IQGAP1: variants seen among roughly 807,000 people sequenced by gnomAD.
The protein encoded by IQGAP1 is ras GTPase-activating-like protein IQGAP1.
In IQGAP1, 66 loss-of-function variants were observed where a neutral mutation model predicts 215.6. That is an observed-to-expected ratio of 0.31 (90% confidence interval 0.25 to 0.38). The LOEUF (loss-of-function observed/expected upper bound fraction) is 0.38. Among genes scored for constraint, IQGAP1 ranks in the 10% least tolerant of loss-of-function variants. The probability of loss-of-function intolerance (pLI) is 1.00; values close to 1 mark genes in which losing one functional copy is unlikely to be tolerated. For synonymous variants in IQGAP1, 772 were observed against 728.7 expected, an observed-to-expected ratio of 1.06 and a Z score of -0.96; for missense variants, 1,712 against 1,997.1, an observed-to-expected ratio of 0.86 and a Z score of 2.72.
intron 2 of IQGAP1, among the ~76,000 whole-genome samples, chr15:90,416,037 T>C (rs778745737): frequency 1.1e-4 from 17 of 152,236 alleles, no homozygotes; most frequent in Non-Finnish European, 1.6e-4. Flanking sequence ...TTATTTATTA[T>C]ACTTTAAGTT....
chr15:90,471,096 T>A (rs1394828923), intron 18 of IQGAP1, among the ~76,000 whole-genome samples: 1 of 152,072 alleles, frequency 6.6e-6, no homozygotes, highest in African/African-American at 2.4e-5. Context: ...TGCCCTTCAT[T>A]TTGCAGTCCA....
chr15:90,497,015 G>T, intron 36 of IQGAP1: 1 of 417,998 alleles, frequency 2.4e-6, no homozygotes, highest in Non-Finnish European at 4.3e-6. Flanking sequence ...AAGTGCTGCA[G>T]GCAGAGAGAG....
At chr15:90,475,931 A>AT (rs1282225236) in intron 23 of IQGAP1, among the ~76,000 whole-genome samples, 2 of 151,228 alleles carry the variant, frequency 1.3e-5, no homozygotes, top group East Asian at 1.9e-4. Flanking sequence ...AGTAGTCATA[A>AT]TTTTTTTTTA....
chr15:90,433,181 T>G (rs1203787053), intron 4 of IQGAP1, among the ~76,000 whole-genome samples: 1 of 152,228 alleles, frequency 6.6e-6, no homozygotes, highest in Non-Finnish European at 1.5e-5. Flanking sequence ...ACTTCATCTG[T>G]GTAGCTTCCC....
intron 33 of IQGAP1, among the ~76,000 whole-genome samples, chr15:90,489,048 C>T (rs1966167650): frequency 6.6e-6 from 1 of 151,678 alleles, no homozygotes; most frequent in Admixed American, 6.6e-5. Context: ...TGATAAGGTC[C>T]AGTGGGGTGG....
intron 2 of IQGAP1, among the ~76,000 whole-genome samples, chr15:90,416,330 G>A (rs575539705): frequency 6.2e-4 from 94 of 152,248 alleles, no homozygotes; most frequent in African/African-American, 2.2e-3. Flanking sequence ...TTGGTTCCAA[G>A]TCTTTGCTAT....
Position 90,500,009 on chromosome 15 carries a change from A to G in IQGAP1, c.4875A>G (p.Leu1625=), listed in dbSNP as rs1359132432. 4 of 1,596,932 alleles carry G rather than the reference A, an allele frequency of 2.5e-6. No individual in the cohort carries two copies. The highest frequency in any genetic ancestry group is 3.4e-6 in the Non-Finnish European group (4 of 1,164,414). Residue 1625 remains leucine (L), a synonymous_variant, in exon 38 of 38, where the codon CTA becomes CTG. Transcript: ENST00000268182. ...FMLHYQDLLQ[L]QYEGVAVMKL... ...TTTGTTAATAGGACCTGCTGCAGCT[A>G]CAGTATGAAGGAGTTGCAGTCATGA... is the stretch of plus-strand genomic sequence containing the variant.
intron 17 of IQGAP1, 71 bp from the exon 18 acceptor site, chr15:90,467,379 C>T (rs892655849): frequency 2.4e-4 from 353 of 1,455,050 alleles, no homozygotes; most frequent in Middle Eastern, 2.3e-3. Flanking sequence ...ACTAATAATC[C>T]TGCAGTTCTG....
chr15:90,462,241 A>C (rs1233074513), intron 15 of IQGAP1, among the ~76,000 whole-genome samples: 1 of 152,202 alleles, frequency 6.6e-6, no homozygotes, highest in African/African-American at 2.4e-5. Context: ...ATGCTTATAT[A>C]CATGTAGCTA....
chr15:90,478,720 T>C (rs1966013666), intron 26 of IQGAP1, among the ~76,000 whole-genome samples: 1 of 151,950 alleles, frequency 6.6e-6, no homozygotes, highest in Non-Finnish European at 1.5e-5. Flanking sequence ...AGCTGGAGGG[T>C]GTAGGACTTA....
chr15:90,405,952 T>C (rs185158127), intron 2 of IQGAP1, among the ~76,000 whole-genome samples: 14 of 152,318 alleles, frequency 9.2e-5, no homozygotes, highest in Admixed American at 7.8e-4. Context: ...TCCGTTGAGT[T>C]ATCCTGTTCT....
intron 2 of IQGAP1, among the ~76,000 whole-genome samples, chr15:90,401,558 A>G (rs1964805245): frequency 1.3e-5 from 2 of 152,194 alleles, no homozygotes. Context: ...CCTCATTGTC[A>G]TGATTAGTAC....
intron 15 of IQGAP1, among the ~76,000 whole-genome samples, chr15:90,464,346 C>A (rs1241837278): frequency 6.6e-6 from 1 of 152,082 alleles, no homozygotes; most frequent in Non-Finnish European, 1.5e-5. Flanking sequence ...ATAAAGAACC[C>A]CCACTCTTTT....
chr15:90,444,076 A>G (rs909824676), intron 9 of IQGAP1, among the ~76,000 whole-genome samples: 4 of 148,064 alleles, frequency 2.7e-5, no homozygotes, highest in African/African-American at 4.9e-5. Context: ...AAAAAAAAAT[A>G]TTTTTCTATT....
rs575882089 is a variant in IQGAP1, at chr15:90,502,118, G to C, written c.*2010G>C. On this transcript the variant is annotated 3_prime_UTR_variant, in exon 38 of 38. Coordinates refer to ENST00000268182, the MANE Select transcript of IQGAP1 (RefSeq NM_003870.4). ...TCTCTCCTCCTTTGACCTTCTCCTC[G>C]ACCAGCCATCATGACATTTACCATG... The C allele has an allele frequency of 6.6e-6, 1 of 152,606 alleles. No homozygotes were observed. The highest frequency in any genetic ancestry group is 6.5e-5 in the Admixed American group (1 of 15,288). The allele number at this position is 152,606 out of a possible 1,614,324, so 9.5% of individuals were successfully genotyped here. A position where few individuals can be genotyped will look rare whatever the true frequency, so the allele number is the denominator to read the frequency against.
In IQGAP1 at chr15:90,396,796, C is replaced by T. The variant is rs185593649; in HGVS notation, c.155+5923C>T. 1.1e-4 allele frequency among the ~76,000 whole-genome samples: 16 copies of T among 152,160 alleles called. No individual in the cohort carries two copies. In the East Asian group the frequency reaches 3.1e-3, roughly 29 times the overall value. ...TGTTGCAAATGGGGAGTATTCATTC[C>T]TAATGTGGCTGCCGAAAGCTTTTTA... is the stretch of plus-strand genomic sequence containing the variant. On this transcript the variant is annotated intron_variant, in intron 2 of 37. Coordinates refer to ENST00000268182, the MANE Select transcript of IQGAP1 (RefSeq NM_003870.4).
intron 11 of IQGAP1, among the ~76,000 whole-genome samples, chr15:90,452,004 A>G (rs1449738326): frequency 6.6e-6 from 1 of 151,876 alleles, no homozygotes; most frequent in Non-Finnish European, 1.5e-5. Flanking sequence ...TCATTTTTGC[A>G]TTTTTAGTAG....
intron 15 of IQGAP1, among the ~76,000 whole-genome samples, chr15:90,459,833 T>C (rs1965736460): frequency 6.6e-6 from 1 of 152,224 alleles, no homozygotes. Flanking sequence ...GATCTTAATT[T>C]AAATTTGGTC....
intron 21 of IQGAP1, 22 bp from the exon 22 acceptor site, chr15:90,474,042 T>TTTG: frequency 6.2e-7 from 1 of 1,610,214 alleles, no homozygotes. Flanking sequence ...AACAGAGAAA[T>TTTG]TTCTTCTTTT....
Sources: gnomAD v4.1 joint callset for allele counts (sites outside exome capture counted in the v4.1 genomes callset) on GRCh38, gnomAD v4.1.1 for gene constraint, MANE v1.5 for transcripts, NCBI Gene and HGNC (gene_info 2026-07-23, HGNC 2026-07-21) for gene names.